Variants in SIRPD observed in about 807,000 individuals in gnomAD.
SIRPD encodes the protein signal regulatory protein delta, also known as signal-regulatory protein delta.
In SIRPD, 21 loss-of-function variants were observed where a neutral mutation model predicts 18.0. The ratio of observed to expected loss-of-function variants is 1.17; its 90% CI spans 0.83 to 1.68. The LOEUF is 1.68. Among genes scored for constraint, SIRPD ranks in the 40% most tolerant of loss-of-function variants. The pLI is 0.00. For missense variants in SIRPD, 295 were observed against 238.4 expected (o/e 1.24, Z -1.56); for synonymous variants, 106 against 92.9 (o/e 1.14, Z -0.81).
intron 1 of SIRPD, among the ~76,000 whole-genome samples, chr20:1,553,544 C>A (rs1459009182): frequency 6.6e-6 from 1 of 152,166 alleles, no homozygotes; most frequent in African/African-American, 2.4e-5. Context: ...ATAATATACA[C>A]AATGCATATA....
chr20:1,545,599 A>G (rs1263546906), intron 2 of SIRPD, among the ~76,000 whole-genome samples: 1 of 152,222 alleles, frequency 6.6e-6, no homozygotes, highest in Admixed American at 6.5e-5. Flanking sequence ...ATTACCCGCC[A>G]TCTGAAGCCT....
chr20:1,557,522 G>A, intron 1 of SIRPD, 59 bp downstream of exon 1: 1 of 1,378,240 alleles, frequency 7.3e-7, no homozygotes, highest in South Asian at 1.6e-5. Context: ...GTGAGGGAGA[G>A]TTCACTAAAC....
chr20:1,534,573 G>A lies in SIRPD; in HGVS notation c.578-132C>T, dbSNP rs888446176. On this transcript the variant is annotated intron_variant, in intron 3 of 3. Transcript: ENST00000381623. ...CAATTTTCTGTGTTGCTAAGGTTGTGGTGAGGCAGGCGCTCCCACATACTG... is the reference window on the plus strand; with the variant it reads ...CAATTTTCTGTGTTGCTAAGGTTGTAGTGAGGCAGGCGCTCCCACATACTG... 1.3e-5 allele frequency: 11 copies of A among 875,296 alleles called. No homozygotes were observed. The African/African-American group carries it at 1.7e-4, about 13-fold the overall frequency. The allele number at this position is 875,296 out of a possible 1,614,324, so 54.2% of individuals were successfully genotyped here. A position where few individuals can be genotyped will look rare whatever the true frequency, so the allele number is the denominator to read the frequency against.
chr20:1,535,441 T>G (rs2090941091), intron 3 of SIRPD, among the ~76,000 whole-genome samples: 2 of 152,294 alleles, frequency 1.3e-5, no homozygotes, highest in South Asian at 4.1e-4. Flanking sequence ...TCATAAGGAC[T>G]CTGCGTTATT....
At chr20:1,555,366 C>A (rs1260209146) in intron 1 of SIRPD, among the ~76,000 whole-genome samples, 1 of 152,192 alleles carries the variant, frequency 6.6e-6, no homozygotes, top group Non-Finnish European at 1.5e-5. Context: ...ATGGGAGATG[C>A]TGGTCAAAGC....
intron 2 of SIRPD, among the ~76,000 whole-genome samples, chr20:1,543,812 G>A (rs1314044714): frequency 6.6e-6 from 1 of 152,158 alleles, no homozygotes; most frequent in Non-Finnish European, 1.5e-5. Context: ...TCTGTAAATT[G>A]TGTCTTTGTT....
rs751993123 is a variant in SIRPD at position 1,537,265 on chromosome 20, C to A, written c.467G>T (p.Gly156Val). ...PPKNRPAGRA[G>V]SRAHHDAHTC... The stretch of plus-strand genomic sequence containing the variant: ...ATGGGCATCATGGTGGGCCCTGGAG[C>A]CTGCTCTGCCTGCAGGTCTGTTCTT... Residue 156 changes from glycine to valine, a missense_variant, in exon 3 of 4, where the codon GGC (glycine) becomes GTC (valine). Physicochemically the swap from Gly to Val is moderately radical, Grantham distance 109. Transcript: ENST00000381623. 1.9e-6 allele frequency: 3 copies of A among 1,614,060 alleles called. No individual in the cohort carries two copies. The South Asian group carries it at 3.3e-5, about 18-fold the overall frequency.
intron 3 of SIRPD, among the ~76,000 whole-genome samples, chr20:1,535,774 C>T (rs2090942506): frequency 6.6e-6 from 1 of 152,314 alleles, no homozygotes; most frequent in Non-Finnish European, 1.5e-5. Context: ...AATAACCTCC[C>T]TGAGGCTCTG....
At position 1,534,441 on chromosome 20, in the gene SIRPD, C is replaced by T; in HGVS notation, c.578G>A (p.Gly193Asp). 1 of 1,611,356 alleles carries T rather than the reference C, an allele frequency of 6.2e-7. No homozygotes were observed. The highest frequency in any genetic ancestry group is 8.5e-7 in the Non-Finnish European group (1 of 1,178,888). The change falls in exon 4 of 4, where the codon GGC (glycine) becomes GAC (aspartate). Residue 193 changes from glycine to aspartate, a missense_variant and splice_region_variant. By Grantham distance (94) the Gly-to-Asp change is moderately conservative. Coordinates refer to ENST00000381623, the MANE Select transcript of SIRPD (RefSeq NM_178460.3). The stretch of plus-strand genomic sequence containing the variant: ...CTGTTTGGATTATTTTGACAGCAAG[C>T]CTGAAATACAATAAAAATAAAATAA... ...CCCLRLLGLT[G>D]LLSK
intron 3 of SIRPD, 124 bp from the exon 4 acceptor site, chr20:1,534,565 A>C: frequency 9.8e-7 from 1 of 1,024,746 alleles, no homozygotes. Context: ...CTGTGTTGCT[A>C]AGGTTGTGGT....
rs754236314 is a variant in SIRPD at position 1,551,797 on chromosome 20, A to T, written c.315T>A (p.Arg105=). Residue 105 remains arginine (R), a synonymous_variant, in exon 2 of 4, where the codon CGT becomes CGA. Transcript: ENST00000381623. Reference sequence around the variant, plus strand: ...TGCCAGCATCAGCAAGAGAGATTTCACGGATGCGGGTGGAAAAGTCTGTGT... The same window carrying T: ...TGCCAGCATCAGCAAGAGAGATTTCTCGGATGCGGGTGGAAAAGTCTGTGT... ...PGNTDFSTRI[R]EISLADAGTY... 6 of 1,614,108 alleles carry T rather than the reference A, an allele frequency of 3.7e-6. No individual in the cohort carries two copies. The highest frequency in any genetic ancestry group is 5.1e-6 in the Non-Finnish European group (6 of 1,179,974).
intron 2 of SIRPD, among the ~76,000 whole-genome samples, chr20:1,548,019 A>G (rs2091001689): frequency 2.0e-5 from 3 of 152,176 alleles, no homozygotes; most frequent in Non-Finnish European, 4.4e-5. Flanking sequence ...AGAACATGCC[A>G]TTTGTCAATA....
chr20:1,544,831 CA>C lies in SIRPD; in HGVS notation c.421+6859del, dbSNP rs2090986901. On this transcript the variant is annotated intron_variant, in intron 2 of 3. Coordinates refer to ENST00000381623, the MANE Select transcript of SIRPD (RefSeq NM_178460.3). Reference sequence around the variant, plus strand: ...AGGCCTGGTGGTGACAAAATATCTGCATTTGCTTGTCTGTAAAGGATTTTAT... The same window carrying C: ...AGGCCTGGTGGTGACAAAATATCTGCTTTGCTTGTCTGTAAAGGATTTTAT... Among the ~76,000 whole-genome samples the C allele has an allele frequency of 3.9e-5, 6 of 152,216 alleles. No individual in the cohort carries two copies. In the South Asian group the frequency reaches 1.2e-3, roughly 32 times the overall value.
chr20:1,536,837 T>C (rs2090947619), intron 3 of SIRPD, among the ~76,000 whole-genome samples: 1 of 152,088 alleles, frequency 6.6e-6, no homozygotes, highest in African/African-American at 2.4e-5. Flanking sequence ...AGGTCAGGCC[T>C]AGGGGGTCGT....
chr20:1,555,912 T>C (rs778748377), intron 1 of SIRPD, among the ~76,000 whole-genome samples: 1 of 152,198 alleles, frequency 6.6e-6, no homozygotes, highest in African/African-American at 2.4e-5. Context: ...TGTTCTCATC[T>C]GGGGGTTTGA....
At chr20:1,555,910 T>C (rs918859466) in intron 1 of SIRPD, among the ~76,000 whole-genome samples, 2 of 152,224 alleles carry the variant, frequency 1.3e-5, no homozygotes, top group African/African-American at 4.8e-5. Flanking sequence ...TGTGTTCTCA[T>C]CTGGGGGTTT....
At chr20:1,550,385 T>C (rs926232725) in intron 2 of SIRPD, among the ~76,000 whole-genome samples, 3 of 152,230 alleles carry the variant, frequency 2.0e-5, no homozygotes, top group Admixed American at 2.0e-4. Flanking sequence ...AAGCTGTCTT[T>C]CCACCTTGGT....
intron 3 of SIRPD, 82 bp downstream of exon 3, chr20:1,537,073 C>T: frequency 2.6e-6 from 4 of 1,518,586 alleles, no homozygotes; most frequent in Non-Finnish European, 2.7e-6. Context: ...TCATCCGCCC[C>T]ACTGCAGGTG....
chr20:1,538,755 C>T (rs2090958600), intron 2 of SIRPD, among the ~76,000 whole-genome samples: 1 of 152,172 alleles, frequency 6.6e-6, no homozygotes, highest in African/African-American at 2.4e-5. Flanking sequence ...CAGCCAATAT[C>T]CATTATCAAT....
Sources: gnomAD v4.1 joint callset for allele counts (sites outside exome capture counted in the v4.1 genomes callset) on GRCh38, gnomAD v4.1.1 for gene constraint, MANE v1.5 for transcripts, NCBI Gene and HGNC (gene_info 2026-07-23, HGNC 2026-07-21) for gene names.